ZNF486: variants seen among roughly 807,000 people sequenced by gnomAD.
The protein encoded by ZNF486 is KRAB box only protein 2.
A neutral mutation model predicts 12.8 loss-of-function variants in ZNF486; 12 were observed. That is an observed-to-expected ratio of 0.94 (90% confidence interval 0.60 to 1.52). The LOEUF (loss-of-function observed/expected upper bound fraction) is 1.52, where lower values mean the gene tolerates loss of function less well. Among genes scored for constraint, ZNF486 ranks in the 40% most tolerant of loss-of-function variants. The pLI is 0.00. For synonymous variants in ZNF486, 231 were observed against 184.9 expected (o/e 1.25, Z -2.02); for missense variants, 738 against 545.0 (o/e 1.35, Z -3.53).
rs1467211252 is a variant in ZNF486 at position 20,200,454 on chromosome 19, C to A, written c.*2352C>A. 1 of 151,972 alleles carries A rather than the reference C, an allele frequency of 6.6e-6. No individual in the cohort carries two copies. The highest frequency in any genetic ancestry group is 1.5e-5 in the Non-Finnish European group (1 of 67,984). The allele number at this position is 151,972 out of a possible 1,614,324, so 9.4% of individuals were successfully genotyped here. ...AAATTCGTATATTTTACTTATTGTA[C>A]TTTTATGTAATAAAATGCAGTGCAT... On this transcript the variant is annotated 3_prime_UTR_variant, in exon 4 of 4. Coordinates refer to ENST00000335117, the MANE Select transcript of ZNF486 (RefSeq NM_052852.4).
At chr19:20,190,936 G>A (rs1262128322) in intron 3 of ZNF486, among the ~76,000 whole-genome samples, 2 of 152,220 alleles carry the variant, frequency 1.3e-5, no homozygotes, top group African/African-American at 4.8e-5. Context: ...TGAACGGCAT[G>A]GTACATCCTC....
intron 3 of ZNF486, chr19:20,188,711 A>G (rs1283989106): frequency 1.4e-5 from 5 of 357,640 alleles, no homozygotes; most frequent in Admixed American, 4.6e-5. Flanking sequence ...TATGTAAAAT[A>G]CTTCTAGACA....
At chr19:20,174,549 T>C (rs1158609361) in intron 1 of ZNF486, among the ~76,000 whole-genome samples, 2 of 152,072 alleles carry the variant, frequency 1.3e-5, no homozygotes, top group African/African-American at 4.8e-5. Context: ...TCACTGTTCC[T>C]GGCTAAGTTT....
At chr19:20,175,020 GTGT>G (rs2089690114) in intron 1 of ZNF486, 1 of 152,146 alleles carries the variant, frequency 6.6e-6, no homozygotes, top group Non-Finnish European at 1.5e-5. Context: ...TCATCAAAAA[GTGT>G]TGTTGGAAGT....
At chr19:20,183,504 GTTTC>G (rs1447093738) in intron 1 of ZNF486, among the ~76,000 whole-genome samples, 1 of 152,084 alleles carries the variant, frequency 6.6e-6, no homozygotes, top group Non-Finnish European at 1.5e-5. Flanking sequence ...CATAAAACAT[GTTTC>G]TTTATGGTTA....
In ZNF486 at chr19:20,186,072, CA is replaced by C. The variant is rs782570484; in HGVS notation, c.246del (p.Lys82AsnfsTer19). 1.9e-6 allele frequency: 3 copies of C among 1,585,878 alleles called. No individual in the cohort carries two copies. Among genetic ancestry groups the C allele is most frequent in the East Asian group, 4.7e-5 (2 of 42,676 alleles). On this transcript the variant is annotated frameshift_variant, in exon 3 of 4. Coordinates refer to ENST00000335117, the MANE Select transcript of ZNF486 (RefSeq NM_052852.4). LOFTEE classifies it low-confidence loss of function (END_TRUNC). Reference protein sequence around the residue: ...LTMKRHEMIAKPPVVCSHFAQ... With the variant: ...LTMKRHEMIAXPPVVCSHFAQ... The stretch of plus-strand genomic sequence containing the variant: ...CTATGAAGAGACATGAGATGATTGC[CA>C]AACCCCCAGGTAGGTGCGAATGAAA...
intron 3 of ZNF486, among the ~76,000 whole-genome samples, chr19:20,189,419 C>T (rs781916891): frequency 3.9e-5 from 6 of 152,108 alleles, no homozygotes; most frequent in Non-Finnish European, 8.8e-5. Context: ...ACATTTATAA[C>T]ATTTTTAAAT....
At chr19:20,173,831 CA>C (rs541187774) in intron 1 of ZNF486, among the ~76,000 whole-genome samples, 314 of 122,316 alleles carry the variant, frequency 2.6e-3, no homozygotes, top group African/African-American at 4.2e-3. Flanking sequence ...GACTCCGTCT[CA>C]AAAAAAAAAA....
chr19:20,188,992 T>C (rs553876763), intron 3 of ZNF486, among the ~76,000 whole-genome samples: 4 of 152,330 alleles, frequency 2.6e-5, no homozygotes, highest in Admixed American at 6.5e-5. Flanking sequence ...TCAAGAGACA[T>C]CTGGGTTGCT....
intron 1 of ZNF486, among the ~76,000 whole-genome samples, chr19:20,177,614 A>G (rs2089734761): frequency 6.6e-6 from 1 of 152,202 alleles, no homozygotes; most frequent in African/African-American, 2.4e-5. Flanking sequence ...TTTCACTCTT[A>G]TTGCCCAGGC....
chr19:20,194,776 G>C (rs1282963285), intron 3 of ZNF486, among the ~76,000 whole-genome samples: 3 of 152,062 alleles, frequency 2.0e-5, no homozygotes, highest in South Asian at 2.1e-4. Context: ...CTTATAAATG[G>C]AACATCATTT....
rs562923063 is a variant in ZNF486, at chr19:20,180,589, CT to C, written c.31-3764del. ...AATAATTGTTATTATAATTTTTTTT[CT>C]TTAGTCAGAATCTCACTGTGTTACC... On this transcript the variant is annotated intron_variant, in intron 1 of 3. Transcript: ENST00000335117. Among the ~76,000 whole-genome samples the C allele has an allele frequency of 3.1e-3, 472 of 152,014 alleles. 1 individual carries two copies. The highest frequency in any genetic ancestry group is 0.011 in the African/African-American group (451 of 41,494).
At chr19:20,177,090 C>G (rs1307303602) in intron 1 of ZNF486, 1 of 152,256 alleles carries the variant, frequency 6.6e-6, no homozygotes, top group Non-Finnish European at 1.5e-5. Context: ...TGATGTGACA[C>G]TAGAGTGCTG....
At chr19:20,170,865 A>T (rs2089640883) in intron 1 of ZNF486, among the ~76,000 whole-genome samples, 1 of 151,976 alleles carries the variant, frequency 6.6e-6, no homozygotes, top group Non-Finnish European at 1.5e-5. Context: ...CCTGGGCTGC[A>T]TCTTATATAT....
At position 20,197,079 on chromosome 19, in the gene ZNF486, A is replaced by T. The variant is rs782510429; in HGVS notation, c.369A>T (p.Lys123Asn). ...GTGGACATGGCAATTTACACTTTAAAAAAGGCTGTGAAAGTGTGGATGAGT... is the reference window on the plus strand; with the variant it reads ...GTGGACATGGCAATTTACACTTTAATAAAGGCTGTGAAAGTGTGGATGAGT... The part of the protein sequence containing the change: ...EKCGHGNLHF[K>N]KGCESVDECK... Residue 123 changes from lysine (K) to asparagine (N), a missense_variant, in exon 4 of 4, where the codon AAA (lysine) becomes AAT (asparagine). Transcript: ENST00000335117. 2 of 1,612,262 alleles carry T rather than the reference A, an allele frequency of 1.2e-6. No homozygotes were observed. Among genetic ancestry groups the T allele is most frequent in the South Asian group, 1.1e-5 (1 of 90,344 alleles).
chr19:20,190,573 T>C (rs782243375), intron 3 of ZNF486, among the ~76,000 whole-genome samples: 1 of 152,132 alleles, frequency 6.6e-6, no homozygotes, highest in Non-Finnish European at 1.5e-5. Flanking sequence ...TTTGCAGTGT[T>C]AGGATCTCAT....
At chr19:20,196,240 T>G (rs1161016707) in intron 3 of ZNF486, among the ~76,000 whole-genome samples, 4 of 152,184 alleles carry the variant, frequency 2.6e-5, no homozygotes, top group African/African-American at 9.6e-5. Flanking sequence ...GGTCTCAAAC[T>G]CCTGACCTCA....
chr19:20,196,875 T>A, intron 3 of ZNF486, 89 bp from the exon 4 acceptor site: 1 of 1,428,650 alleles, frequency 7.0e-7, no homozygotes, highest in Non-Finnish European at 9.3e-7. Flanking sequence ...CTTGCTTATG[T>A]AGTTTGTATA....
intron 1 of ZNF486, among the ~76,000 whole-genome samples, chr19:20,180,061 G>A (rs927818972): frequency 2.0e-4 from 31 of 152,326 alleles, no homozygotes; most frequent in African/African-American, 7.2e-4. Flanking sequence ...TTCTCCAGAT[G>A]GCTTATCATT....
Sources: gnomAD v4.1 joint callset for allele counts (sites outside exome capture counted in the v4.1 genomes callset) on GRCh38, gnomAD v4.1.1 for gene constraint, MANE v1.5 for transcripts, NCBI Gene and HGNC (gene_info 2026-07-23, HGNC 2026-07-21) for gene names.